Variants in CADPS observed in about 807,000 individuals in gnomAD.
CADPS encodes the protein calcium-dependent secretion activator 1.
Under a neutral mutation model 167.3 loss-of-function variants are expected in CADPS, and 57 were observed. That is an observed-to-expected ratio of 0.34 (90% confidence interval 0.28 to 0.42). The LOEUF (loss-of-function observed/expected upper bound fraction) is 0.42, where lower values mean the gene tolerates loss of function less well. Ranked by LOEUF, CADPS falls within the 20% of genes least tolerant of loss-of-function variation. The probability of loss-of-function intolerance (pLI) is 1.00; values close to 1 mark genes in which losing one functional copy is unlikely to be tolerated. For synonymous variants in CADPS, 676 were observed against 635.3 expected, an observed-to-expected ratio of 1.06 and a Z score of -0.96; for missense variants, 1,414 against 1,738.1, an observed-to-expected ratio of 0.81 and a Z score of 3.32.
intron 23 of CADPS, among the ~76,000 whole-genome samples, chr3:62,476,484 A>T (rs1186053420): frequency 3.9e-5 from 6 of 152,114 alleles, no homozygotes; most frequent in Non-Finnish European, 7.4e-5. Flanking sequence ...TTCTGTCAGT[A>T]AAAGGTTGCT....
At chr3:62,424,314 G>T (rs2052142744) in intron 28 of CADPS, among the ~76,000 whole-genome samples, 1 of 152,122 alleles carries the variant, frequency 6.6e-6, no homozygotes, top group Non-Finnish European at 1.5e-5. Context: ...CTCCCGAGTA[G>T]GTGGGGCTAC....
At chr3:62,790,924 G>A (rs973938856) in intron 1 of CADPS, among the ~76,000 whole-genome samples, 12 of 150,424 alleles carry the variant, frequency 8.0e-5, no homozygotes, top group Admixed American at 2.6e-4. Context: ...TTTTGTTACC[G>A]TCATGATAAT....
intron 29 of CADPS, among the ~76,000 whole-genome samples, chr3:62,400,342 T>G (rs1240107728): frequency 6.6e-6 from 1 of 152,220 alleles, no homozygotes; most frequent in Non-Finnish European, 1.5e-5. Context: ...CTTAGGTATC[T>G]CAAGGACTGT....
chr3:62,777,950 G>A (rs1453469510), intron 1 of CADPS, among the ~76,000 whole-genome samples: 3 of 152,176 alleles, frequency 2.0e-5, no homozygotes, highest in South Asian at 4.1e-4. Context: ...GAATTGTACT[G>A]AGGTTTCAGA....
chr3:62,499,316 CT>C, intron 17 of CADPS, 48 bp from the exon 18 acceptor site: 1 of 1,151,434 alleles, frequency 8.7e-7, no homozygotes, highest in Non-Finnish European at 1.3e-6. Context: ...TGGCAGGCTA[CT>C]TTTATGGCCA....
chr3:62,678,651 C>G (rs1326414106), intron 3 of CADPS, among the ~76,000 whole-genome samples: 2 of 152,070 alleles, frequency 1.3e-5, no homozygotes, highest in African/African-American at 2.4e-5. Flanking sequence ...TTATAGCATT[C>G]TTTCCCTGCT....
chr3:62,586,620 T>C (rs17640256), intron 7 of CADPS, among the ~76,000 whole-genome samples: 4,145 of 152,328 alleles, frequency 0.027, 93 homozygotes, highest in Non-Finnish European at 0.036. Context: ...TGATGAAATA[T>C]ACATTCTTGC....
At chr3:62,511,421 C>T (rs1031342560) in intron 17 of CADPS, among the ~76,000 whole-genome samples, 17 of 152,196 alleles carry the variant, frequency 1.1e-4, no homozygotes, top group African/African-American at 3.4e-4. Flanking sequence ...TCTGTGCCTC[C>T]GTTTGCTCAT....
At chr3:62,522,850 C>A (rs1360344971) in intron 13 of CADPS, among the ~76,000 whole-genome samples, 1 of 152,154 alleles carries the variant, frequency 6.6e-6, no homozygotes, top group Admixed American at 6.5e-5. Flanking sequence ...ATATGCAGGT[C>A]AAGCGCAGTC....
chr3:62,467,222 T>C (rs2060044635), intron 24 of CADPS: 1 of 668,232 alleles, frequency 1.5e-6, no homozygotes, highest in Non-Finnish European at 2.1e-6. Flanking sequence ...TTAGTATCCA[T>C]TTGAATTATC....
intron 11 of CADPS, among the ~76,000 whole-genome samples, chr3:62,540,775 C>A (rs2075556879): frequency 6.6e-6 from 1 of 152,142 alleles, no homozygotes; most frequent in African/African-American, 2.4e-5. Context: ...GTCATTCTTG[C>A]ACTGTCCCGG....
At chr3:62,858,452 GC>G (rs1324510523) in intron 1 of CADPS, among the ~76,000 whole-genome samples, 2 of 152,126 alleles carry the variant, frequency 1.3e-5, no homozygotes, top group Non-Finnish European at 2.9e-5. Flanking sequence ...GCACCTGTGA[GC>G]CAGCTGTATT....
chr3:62,613,633 G>T (rs1052113322), intron 6 of CADPS, among the ~76,000 whole-genome samples: 1 of 152,174 alleles, frequency 6.6e-6, no homozygotes, highest in African/African-American at 2.4e-5. Context: ...TGACAAACCT[G>T]AAAGAGTTTG....
At chr3:62,804,052 T>A (rs905564354) in intron 1 of CADPS, among the ~76,000 whole-genome samples, 1 of 152,126 alleles carries the variant, frequency 6.6e-6, no homozygotes, top group African/African-American at 2.4e-5. Context: ...TCTGATTTTA[T>A]TTTCTCTGGT....
chr3:62,839,831 C>T (rs948679176), intron 1 of CADPS, among the ~76,000 whole-genome samples: 1 of 152,110 alleles, frequency 6.6e-6, no homozygotes, highest in African/African-American at 2.4e-5. Context: ...AAGAGATAAA[C>T]ATGGAATGAC....
intron 6 of CADPS, among the ~76,000 whole-genome samples, chr3:62,635,522 A>G (rs2066119702): frequency 6.6e-6 from 1 of 152,174 alleles, no homozygotes. Context: ...TGTTGGACCT[A>G]GCAATTCCTT....
intron 9 of CADPS, among the ~76,000 whole-genome samples, chr3:62,559,614 C>G (rs2078793957): frequency 6.6e-6 from 1 of 152,124 alleles, no homozygotes; most frequent in South Asian, 2.1e-4. Context: ...CCTGCCTCAG[C>G]CTCCTGAGTA....
At chr3:62,806,683 G>A (rs2094119491) in intron 1 of CADPS, among the ~76,000 whole-genome samples, 1 of 152,140 alleles carries the variant, frequency 6.6e-6, no homozygotes, top group African/African-American at 2.4e-5. Flanking sequence ...GCTAGTAATT[G>A]GCAGAGTATG....
chr3:62,401,162 G>C (rs908284746), intron 29 of CADPS, among the ~76,000 whole-genome samples: 7 of 152,184 alleles, frequency 4.6e-5, no homozygotes, highest in Non-Finnish European at 8.8e-5. Context: ...TGATGGGGAC[G>C]GGTAAGAGAC....
Sources: gnomAD v4.1 joint callset for allele counts (sites outside exome capture counted in the v4.1 genomes callset) on GRCh38, gnomAD v4.1.1 for gene constraint, MANE v1.5 for transcripts, NCBI Gene and HGNC (gene_info 2026-07-23, HGNC 2026-07-21) for gene names.